Variants in ROS1 observed in about 807,000 individuals in gnomAD.
ROS1 encodes proto-oncogene tyrosine-protein kinase ROS.
A neutral mutation model predicts 273.5 loss-of-function variants in ROS1; 263 were observed. The observed-to-expected ratio is 0.96, with a 90% CI of 0.87 to 1.06. The LOEUF is 1.06. Among genes scored for constraint, ROS1 ranks in the 50% least tolerant of loss-of-function variants. ROS1 has a pLI of 0.00. For missense variants in ROS1, 2,833 were observed against 2,751.1 expected (o/e 1.03, Z -0.67); for synonymous variants, 1,008 against 954.1 (o/e 1.06, Z -1.04).
intron 28 of ROS1, 79 bp from the exon 29 acceptor site, chr6:117,342,623 A>G (rs1378332304): frequency 1.1e-5 from 11 of 978,042 alleles, no homozygotes; most frequent in Non-Finnish European, 1.5e-5. Context: ...AATCAAAGAG[A>G]GAACAAAGTT....
chr6:117,300,409 G>A (rs1018021856), intron 43 of ROS1, among the ~76,000 whole-genome samples: 3 of 151,804 alleles, frequency 2.0e-5, no homozygotes, highest in African/African-American at 7.3e-5. Flanking sequence ...AAAATACAGT[G>A]CTTAATGAAA....
chr6:117,408,346 C>A (rs577740096), intron 5 of ROS1, among the ~76,000 whole-genome samples: 1 of 151,970 alleles, frequency 6.6e-6, no homozygotes, highest in Non-Finnish European at 1.5e-5. Flanking sequence ...GAATCTACAA[C>A]GAACTCAAAC....
In ROS1 at chr6:117,310,205, C is replaced by T. The variant is rs1775432135; in HGVS notation, c.6292G>A (p.Gly2098Arg). 2 of 1,613,050 alleles carry T rather than the reference C, an allele frequency of 1.2e-6. No homozygotes were observed. Among genetic ancestry groups the T allele is most frequent in the South Asian group, 1.1e-5 (1 of 91,062 alleles). Residue 2098 changes from glycine to arginine, a missense_variant, in exon 41 of 44, where the codon GGA becomes AGA. Physicochemically the swap from Gly to Arg is moderately radical, Grantham distance 125 (BLOSUM62 -2). Transcript: ENST00000368507. ...SPRIVKIGDFGLARDIYKNDY... is the reference protein window; with the variant it reads ...SPRIVKIGDFRLARDIYKNDY... ...TTTTTATAGATGTCTCTGGCGAGTC[C>T]AAAGTCTCCAATCTTCACTATCCGT...
rs138029459 is a variant in ROS1, at chr6:117,391,493, G to C, written c.1290-1647C>G. 9.2e-5 allele frequency among the ~76,000 whole-genome samples: 14 copies of C among 152,250 alleles called. No homozygotes were observed. The East Asian group carries it at 2.7e-3, about 29-fold the overall frequency. On this transcript the variant is annotated intron_variant, in intron 12 of 43. Transcript: ENST00000368507. ...GGAAGTGGTGGTAGGAAGAAAAGCA[G>C]AGGTTTTACAGTAAGTCTGAACTCA...
At chr6:117,395,568 T>C (rs962394964) in intron 9 of ROS1, among the ~76,000 whole-genome samples, 1 of 152,150 alleles carries the variant, frequency 6.6e-6, no homozygotes, top group African/African-American at 2.4e-5. Context: ...CTTTTATTAG[T>C]TTCCCCTCAA....
intron 34 of ROS1, among the ~76,000 whole-genome samples, chr6:117,325,521 A>G (rs1402541293): frequency 6.6e-6 from 1 of 152,204 alleles, no homozygotes; most frequent in African/African-American, 2.4e-5. Context: ...AAAGCAGTAA[A>G]TGGAGAGCCA....
chr6:117,405,350 C>A (rs1365136550), intron 5 of ROS1, among the ~76,000 whole-genome samples: 1 of 152,146 alleles, frequency 6.6e-6, no homozygotes, highest in Non-Finnish European at 1.5e-5. Flanking sequence ...CACAAAGAGG[C>A]CTAGCACAAC....
In ROS1 at chr6:117,362,734, T is replaced by C. The variant is rs193271148; in HGVS notation, c.3235A>G (p.Ile1079Val). Residue 1079 changes from isoleucine (I) to valine (V), a missense_variant, in exon 22 of 44, where the codon ATT becomes GTT. Physicochemically the swap from Ile to Val is conservative, Grantham distance 29. Coordinates refer to ENST00000368507, the MANE Select transcript of ROS1 (RefSeq NM_001378902.1). ...HENGVLTKFE[I>V]FYNISNQSIT... is the part of the protein sequence containing the mutation. Reference sequence around the variant, plus strand: ...CTTTGATTGGATATATTGTAGAAAATTTCAAATTTTGTTAACACCCCATTT... The same window carrying C: ...CTTTGATTGGATATATTGTAGAAAACTTCAAATTTTGTTAACACCCCATTT... 9.3e-6 allele frequency: 15 copies of C among 1,613,766 alleles called. No homozygotes were observed. The African/African-American group carries it at 1.9e-4, about 20-fold the overall frequency.
intron 3 of ROS1, among the ~76,000 whole-genome samples, chr6:117,415,360 G>C (rs913501436): frequency 6.6e-6 from 1 of 152,052 alleles, no homozygotes; most frequent in African/African-American, 2.4e-5. Flanking sequence ...TATAAAAAGA[G>C]GTTAATGCAT....
At chr6:117,371,151 C>T (rs1409634131) in intron 18 of ROS1, among the ~76,000 whole-genome samples, 2 of 152,126 alleles carry the variant, frequency 1.3e-5, no homozygotes, top group Admixed American at 6.5e-5. Flanking sequence ...ACTTTTGCTC[C>T]AAGAACTACC....
intron 36 of ROS1, among the ~76,000 whole-genome samples, chr6:117,320,768 C>T (rs7769643): frequency 0.018 from 2,763 of 152,158 alleles, 77 homozygotes; most frequent in African/African-American, 0.056. Context: ...ATATAATGAA[C>T]CTTTGCATAA....
chr6:117,380,631 T>C (rs977659384), intron 17 of ROS1, among the ~76,000 whole-genome samples: 4 of 152,108 alleles, frequency 2.6e-5, no homozygotes, highest in African/African-American at 9.7e-5. Flanking sequence ...AATTTTTTGC[T>C]GGAATACAAC....
rs146136400 is a variant in ROS1, at chr6:117,354,326, C to A, written c.4127-1160G>T. 8.5e-4 allele frequency among the ~76,000 whole-genome samples: 129 copies of A among 151,558 alleles called. 2 individuals are homozygous for A. In the East Asian group the frequency reaches 0.023, roughly 27 times the overall value. On this transcript the variant is annotated intron_variant, in intron 26 of 43. Coordinates refer to ENST00000368507, the MANE Select transcript of ROS1 (RefSeq NM_001378902.1). ...CATGATTGCACCACTGCACTCCAGC[C>A]TGGGCAACAGAGTGAGACCCTGTCT...
chr6:117,389,919 T>A, intron 12 of ROS1, 73 bp from the exon 13 acceptor site: 1 of 1,326,922 alleles, frequency 7.5e-7, no homozygotes. Context: ...AGCTAATTGC[T>A]TCATTCTGTT....
chr6:117,329,849 G>A (rs1776944317), intron 32 of ROS1, among the ~76,000 whole-genome samples: 1 of 152,194 alleles, frequency 6.6e-6, no homozygotes, highest in Non-Finnish European at 1.5e-5. Context: ...TGGATTGGAA[G>A]ATCCCACTCT....
chr6:117,318,547 A>AT (rs1216041454), intron 37 of ROS1, among the ~76,000 whole-genome samples: 4 of 152,056 alleles, frequency 2.6e-5, no homozygotes, highest in Non-Finnish European at 4.4e-5. Context: ...AATTTTCAAA[A>AT]TTTTCTTTTC....
At chr6:117,372,686 A>G (rs1395427075) in intron 18 of ROS1, among the ~76,000 whole-genome samples, 5 of 151,888 alleles carry the variant, frequency 3.3e-5, no homozygotes, top group Non-Finnish European at 7.4e-5. Flanking sequence ...CATTCCTCTC[A>G]CTGGGTTCGT....
chr6:117,313,091 C>T (rs945387906), intron 39 of ROS1, among the ~76,000 whole-genome samples: 1 of 152,066 alleles, frequency 6.6e-6, no homozygotes. Flanking sequence ...TACAACCTAC[C>T]ATGTAGCAAG....
intron 18 of ROS1, among the ~76,000 whole-genome samples, chr6:117,368,688 C>T (rs1780475370): frequency 6.6e-6 from 1 of 151,848 alleles, no homozygotes; most frequent in South Asian, 2.1e-4. Flanking sequence ...TTATGAATCA[C>T]GTATAATATA....
Sources: gnomAD v4.1 joint callset for allele counts (sites outside exome capture counted in the v4.1 genomes callset) on GRCh38, gnomAD v4.1.1 for gene constraint, MANE v1.5 for transcripts, NCBI Gene and HGNC (gene_info 2026-07-23, HGNC 2026-07-21) for gene names.